Variants in SPATA17 observed in about 807,000 individuals in gnomAD.
SPATA17 encodes spermatogenesis-associated protein 17.
A neutral mutation model predicts 62.2 loss-of-function variants in SPATA17; 53 were observed. That is an observed-to-expected ratio of 0.85 (90% CI 0.68 to 1.07). The LOEUF is 1.07. Ranked by LOEUF, SPATA17 falls within the 50% of genes least tolerant of loss-of-function variation. The pLI, the probability that SPATA17 is intolerant of heterozygous loss-of-function variation, is 0.00. For synonymous variants in SPATA17, 146 were observed against 146.8 expected (o/e 0.99, Z 0.04); for missense variants, 466 against 425.5 (o/e 1.10, Z -0.84).
intron 1 of SPATA17, among the ~76,000 whole-genome samples, chr1:217,645,346 C>A (rs563919508): frequency 6.6e-6 from 1 of 152,126 alleles, no homozygotes; most frequent in East Asian, 1.9e-4. Flanking sequence ...TTTCTAATGA[C>A]AATTATAAAT....
intron 9 of SPATA17, among the ~76,000 whole-genome samples, chr1:217,854,101 A>T (rs2103013285): frequency 6.6e-6 from 1 of 152,266 alleles, no homozygotes; most frequent in East Asian, 1.9e-4. Context: ...AAACAGCTGG[A>T]TTGGTTAGAG....
intron 4 of SPATA17, among the ~76,000 whole-genome samples, chr1:217,677,077 C>G (rs1670963859): frequency 6.6e-6 from 1 of 151,928 alleles, no homozygotes; most frequent in African/African-American, 2.4e-5. Context: ...GATTGAAATG[C>G]TCACATTTAG....
chr1:217,817,231 C>T (rs963067152), intron 9 of SPATA17, among the ~76,000 whole-genome samples: 1 of 152,020 alleles, frequency 6.6e-6, no homozygotes, highest in African/African-American at 2.4e-5. Context: ...TATGTCTCCG[C>T]CCAAATCGCA....
chr1:217,782,810 T>C (rs1673762004), intron 8 of SPATA17, among the ~76,000 whole-genome samples: 1 of 90,316 alleles, frequency 1.1e-5, no homozygotes, highest in Non-Finnish European at 2.5e-5. Context: ...TTTAATAGCA[T>C]ATGTAATTTT....
chr1:217,702,860 CAGG>C (rs990040113), intron 5 of SPATA17, among the ~76,000 whole-genome samples: 24 of 151,342 alleles, frequency 1.6e-4, no homozygotes, highest in Non-Finnish European at 1.5e-4. Context: ...ATTTTTTTTT[CAGG>C]TATTTGAACA....
chr1:217,718,689 G>A (rs905660526), intron 5 of SPATA17, among the ~76,000 whole-genome samples: 2 of 151,922 alleles, frequency 1.3e-5, no homozygotes, highest in African/African-American at 4.8e-5. Context: ...TGAGAAGTAG[G>A]AAGAAGAAGA....
At chr1:217,744,105 C>A (rs1206833806) in intron 6 of SPATA17, among the ~76,000 whole-genome samples, 1 of 152,000 alleles carries the variant, frequency 6.6e-6, no homozygotes, top group Admixed American at 6.6e-5. Context: ...ACTTTCTATG[C>A]ATTATTTCTT....
At chr1:217,709,276 G>C (rs963661131) in intron 5 of SPATA17, among the ~76,000 whole-genome samples, 1 of 152,140 alleles carries the variant, frequency 6.6e-6, no homozygotes, top group Non-Finnish European at 1.5e-5. Context: ...TTCTTAATCA[G>C]GAATCTGGGA....
Position 217,870,583 on chromosome 1 carries a change from T to C in SPATA17, c.*3564T>C, listed in dbSNP as rs1245058442. 6.6e-6 allele frequency: 1 copy of C among 152,200 alleles called. No individual in the cohort carries two copies. The highest frequency in any genetic ancestry group is 1.5e-5 in the Non-Finnish European group (1 of 68,040). The allele number at this position is 152,200 out of a possible 1,614,324, so 9.4% of individuals were successfully genotyped here. On this transcript the variant is annotated 3_prime_UTR_variant, in exon 11 of 11. Transcript: ENST00000366933. ...TTTCTATATTCTCAATATGAGCCAC[T>C]TAAGAAAATTAATGAGACTTTATGT...
chr1:217,728,183 T>A (rs892217364), intron 5 of SPATA17, among the ~76,000 whole-genome samples: 1 of 152,144 alleles, frequency 6.6e-6, no homozygotes, highest in Non-Finnish European at 1.5e-5. Flanking sequence ...GAAATAATAC[T>A]ATGAAATAAA....
chr1:217,770,290 A>G (rs1242534255), intron 6 of SPATA17, among the ~76,000 whole-genome samples: 1 of 152,162 alleles, frequency 6.6e-6, no homozygotes, highest in Non-Finnish European at 1.5e-5. Flanking sequence ...TTTTATTCCT[A>G]TTTGTGGTCA....
chr1:217,864,983 A>C (rs1466935874), intron 10 of SPATA17, among the ~76,000 whole-genome samples: 2 of 152,130 alleles, frequency 1.3e-5, no homozygotes, highest in African/African-American at 4.8e-5. Flanking sequence ...TCTTCTTTTC[A>C]ATTTTTAACA....
intron 9 of SPATA17, among the ~76,000 whole-genome samples, chr1:217,812,985 A>G (rs1674630465): frequency 6.6e-6 from 1 of 152,226 alleles, no homozygotes; most frequent in Admixed American, 6.5e-5. Context: ...TTACAACAGT[A>G]GAGAAGTCCT....
rs144727264 is a variant in SPATA17 at position 217,740,116 on chromosome 1, A to G, written c.396-1859A>G. 6.4e-4 allele frequency among the ~76,000 whole-genome samples: 83 copies of G among 129,226 alleles called. 1 individual carries two copies. The East Asian group carries it at 0.029, about 46-fold the overall frequency. The allele number at this position is 129,226 out of a possible 152,430, so 84.8% of individuals were successfully genotyped here. A position where few individuals can be genotyped will look rare whatever the true frequency, so the allele number is the denominator to read the frequency against. On this transcript the variant is annotated intron_variant, in intron 5 of 10. Coordinates refer to ENST00000366933, the MANE Select transcript of SPATA17 (RefSeq NM_138796.4). ...GATTTTGTATCCAAGTTCTATGTAC[A>G]TCTTTGTACCTTACCCGTTCATATA...
chr1:217,668,163 G>A (rs1163002347), intron 3 of SPATA17, among the ~76,000 whole-genome samples: 3 of 152,134 alleles, frequency 2.0e-5, no homozygotes, highest in Non-Finnish European at 2.9e-5. Context: ...GAATAAAAAT[G>A]GATAAAGTTG....
At chr1:217,634,913 T>C (rs1366516944) in intron 1 of SPATA17, among the ~76,000 whole-genome samples, 1 of 151,988 alleles carries the variant, frequency 6.6e-6, no homozygotes, top group African/African-American at 2.4e-5. Flanking sequence ...GTTGTTGTTG[T>C]TGTTGTTGTT....
At chr1:217,821,175 C>T (rs964397149) in intron 9 of SPATA17, among the ~76,000 whole-genome samples, 1 of 152,064 alleles carries the variant, frequency 6.6e-6, no homozygotes, top group African/African-American at 2.4e-5. Flanking sequence ...CATCGCCACA[C>T]TGGGATCAAA....
intron 5 of SPATA17, among the ~76,000 whole-genome samples, chr1:217,709,150 C>G (rs6604554): frequency 0.25 from 38,412 of 151,886 alleles, 5,312 homozygotes; most frequent in African/African-American, 0.36. Context: ...TTCACATTTC[C>G]TTATTCTGTT....
Position 217,727,292 on chromosome 1 carries a change from C to A in SPATA17, c.396-14683C>A, listed in dbSNP as rs1361630805. On this transcript the variant is annotated intron_variant, in intron 5 of 10. Transcript: ENST00000366933. Reference sequence around the variant, plus strand: ...ATAATAATAATAATAATAATAACAACAAAAAACTGTTATTCTTATACATGG... The same window carrying A: ...ATAATAATAATAATAATAATAACAAAAAAAAACTGTTATTCTTATACATGG... Among the ~76,000 whole-genome samples the A allele has an allele frequency of 2.1e-5, 3 of 143,636 alleles. No homozygotes were observed. The East Asian group carries it at 6.0e-4, about 29-fold the overall frequency. The allele number at this position is 143,636 out of a possible 152,430, so 94.2% of individuals were successfully genotyped here.
Sources: allele counts gnomAD v4.1 joint callset (sites outside exome capture counted in the v4.1 genomes callset), GRCh38; gene constraint gnomAD v4.1.1; transcripts MANE v1.5; gene names NCBI Gene and HGNC (gene_info 2026-07-23, HGNC 2026-07-21).